The following ARHGEF4 variants were observed in gnomAD, a reference collection of about 807,000 sequenced individuals.
ARHGEF4 encodes the protein Rho guanine nucleotide exchange factor 4.
In ARHGEF4, 119 loss-of-function variants were observed where a neutral mutation model predicts 162.0. The observed-to-expected ratio is 0.73, with a 90% CI of 0.63 to 0.86. ARHGEF4 has a LOEUF of 0.86. Among genes scored for constraint, ARHGEF4 ranks in the 40% least tolerant of loss-of-function variants. The pLI is 0.00. For missense variants in ARHGEF4, 2,488 were observed against 2,456.0 expected (o/e 1.01, Z -0.28); for synonymous variants, 1,014 against 979.9 (o/e 1.03, Z -0.65).
At chr2:130,994,629 G>A (rs529179279) in intron 4 of ARHGEF4, among the ~76,000 whole-genome samples, 4 of 152,062 alleles carry the variant, frequency 2.6e-5, no homozygotes, top group African/African-American at 4.8e-5. Flanking sequence ...CATCTTCATC[G>A]CTCTTCATTG....
rs1304191139 is a variant in ARHGEF4 at position 130,916,299 on chromosome 2, G to C, written c.2353G>C (p.Ala785Pro). The C allele has an allele frequency of 2.6e-6, 4 of 1,540,574 alleles. No individual in the cohort carries two copies. Among genetic ancestry groups the C allele is most frequent in the Non-Finnish European group, 3.5e-6 (4 of 1,144,120 alleles). Residue 785 changes from alanine (A) to proline (P), a missense_variant, in exon 2 of 14, where the codon GCG (alanine) becomes CCG (proline). Around this residue, in one of 6 missense-constraint regions of ARHGEF4, gnomAD observed 1,642 missense variants for 1,481.5 expected, o/e 1.11. Transcript: ENST00000409359. ...PQPPRGLRKG[A>P]QEPGKRPTFS... ...GCCGCCACGCGGGCTCCGCAAGGGC[G>C]CGCAGGAGCCTGGGAAGCGCCCGAC...
intron 4 of ARHGEF4, among the ~76,000 whole-genome samples, chr2:130,965,055 G>T (rs1219752010): frequency 6.6e-6 from 1 of 152,206 alleles, no homozygotes; most frequent in Non-Finnish European, 1.5e-5. Flanking sequence ...GTTTGTCAAG[G>T]GCAACAGTTG....
chr2:130,847,778 G>A (rs1574089081), intron 1 of ARHGEF4, among the ~76,000 whole-genome samples: 2 of 152,350 alleles, frequency 1.3e-5, no homozygotes, highest in South Asian at 4.1e-4. Context: ...GCTTAGAGAA[G>A]GTGAGGCCTC....
chr2:130,947,418 C>T (rs1260030485), intron 4 of ARHGEF4, among the ~76,000 whole-genome samples: 1 of 151,812 alleles, frequency 6.6e-6, no homozygotes, highest in Non-Finnish European at 1.5e-5. Context: ...AAAGGAATTC[C>T]TAGAGTCCCC....
chr2:130,920,594 C>T (rs1681814808), intron 2 of ARHGEF4, among the ~76,000 whole-genome samples: 1 of 152,154 alleles, frequency 6.6e-6, no homozygotes, highest in Non-Finnish European at 1.5e-5. Flanking sequence ...ATGTGAAACT[C>T]CCCTTGGAGA....
intron 4 of ARHGEF4, among the ~76,000 whole-genome samples, chr2:130,993,970 G>A (rs1203425023): frequency 1.3e-5 from 2 of 152,102 alleles, no homozygotes; most frequent in African/African-American, 4.8e-5. Context: ...AGTAGAGATG[G>A]GGTTTCACCA....
intron 1 of ARHGEF4, among the ~76,000 whole-genome samples, chr2:130,894,161 C>T (rs1186125250): frequency 6.6e-6 from 1 of 152,212 alleles, no homozygotes; most frequent in East Asian, 1.9e-4. Flanking sequence ...GACATGATTG[C>T]TTTCTGTAGA....
At chr2:130,954,761 T>C (rs1392060493) in intron 4 of ARHGEF4, among the ~76,000 whole-genome samples, 3 of 152,214 alleles carry the variant, frequency 2.0e-5, no homozygotes, top group African/African-American at 4.8e-5. Context: ...TGTCTGTCTG[T>C]GGATCTCTGG....
chr2:130,995,232 C>CT (rs1243911767), intron 4 of ARHGEF4, among the ~76,000 whole-genome samples: 3 of 152,024 alleles, frequency 2.0e-5, no homozygotes, highest in Non-Finnish European at 4.4e-5. Flanking sequence ...CCTTTTGTCT[C>CT]TGTCTGTTTT....
rs140494318 is a variant in ARHGEF4 at position 130,897,527 on chromosome 2, G to C, written c.40-16459G>C. Reference sequence around the variant, plus strand: ...GACACCAGGGCCAACCTGGAGCAGCGTGAGGGCCACAAGCCCTGAGGCAGA... The same window carrying C: ...GACACCAGGGCCAACCTGGAGCAGCCTGAGGGCCACAAGCCCTGAGGCAGA... On this transcript the variant is annotated intron_variant, in intron 1 of 13. Coordinates refer to ENST00000409359, the MANE Select transcript of ARHGEF4 (RefSeq NM_001367493.1). 1.8e-3 allele frequency among the ~76,000 whole-genome samples: 273 copies of C among 152,352 alleles called. 1 individual carries two copies. The highest frequency in any genetic ancestry group is 3.0e-3 in the Non-Finnish European group (205 of 68,030).
intron 1 of ARHGEF4, among the ~76,000 whole-genome samples, chr2:130,856,444 A>T (rs1681792776): frequency 6.6e-6 from 1 of 152,246 alleles, no homozygotes; most frequent in Admixed American, 6.5e-5. Flanking sequence ...AAAAATGGAA[A>T]TAATTTGTTG....
At chr2:130,897,155 A>C (rs1680205540) in intron 1 of ARHGEF4, among the ~76,000 whole-genome samples, 1 of 152,122 alleles carries the variant, frequency 6.6e-6, no homozygotes, top group African/African-American at 2.4e-5. Flanking sequence ...CTGTCAGTGG[A>C]TGTGGCTTTG....
At position 130,915,793 on chromosome 2, in the gene ARHGEF4, T is replaced by C; in HGVS notation, c.1847T>C (p.Leu616Pro). Reference protein sequence around the residue: ...QGPGGAGGRQLEPKAGGEASR... With the variant: ...QGPGGAGGRQPEPKAGGEASR... Reference sequence around the variant, plus strand: ...CCTGGGGGTGCCGGGGGCCGGCAGCTGGAGCCCAAAGCAGGCGGCGAGGCC... The same window carrying C: ...CCTGGGGGTGCCGGGGGCCGGCAGCCGGAGCCCAAAGCAGGCGGCGAGGCC... The change falls in exon 2 of 14, where the codon CTG becomes CCG. Residue 616 changes from leucine (L) to proline (P), a missense_variant. Coordinates refer to ENST00000409359, the MANE Select transcript of ARHGEF4 (RefSeq NM_001367493.1). 9.8e-6 allele frequency: 15 copies of C among 1,525,132 alleles called. No homozygotes were observed. The highest frequency in any genetic ancestry group is 1.4e-5 in the African/African-American group (1 of 72,082). The allele number at this position is 1,525,132 out of a possible 1,614,324, so 94.5% of individuals were successfully genotyped here.
intron 4 of ARHGEF4, among the ~76,000 whole-genome samples, chr2:130,986,737 C>G (rs1017112037): frequency 6.6e-6 from 1 of 152,166 alleles, no homozygotes; most frequent in Non-Finnish European, 1.5e-5. Flanking sequence ...AGATGTGAGA[C>G]AACAGAAATA....
intron 4 of ARHGEF4, among the ~76,000 whole-genome samples, chr2:131,002,653 T>C (rs1416528001): frequency 7.5e-6 from 1 of 133,994 alleles, no homozygotes; most frequent in African/African-American, 2.8e-5. Flanking sequence ...GAGCTTGCAG[T>C]GAGCCGAGAT....
chr2:130,954,760 G>A (rs1574292980), intron 4 of ARHGEF4, among the ~76,000 whole-genome samples: 1 of 152,248 alleles, frequency 6.6e-6, no homozygotes, highest in South Asian at 2.1e-4. Flanking sequence ...GTGTCTGTCT[G>A]TGGATCTCTG....
chr2:130,873,035 G>T (rs1189497440), intron 1 of ARHGEF4, among the ~76,000 whole-genome samples: 1 of 152,242 alleles, frequency 6.6e-6, no homozygotes, highest in Non-Finnish European at 1.5e-5. Context: ...CCAAGGCAGG[G>T]CTGTGGGCAC....
intron 4 of ARHGEF4, among the ~76,000 whole-genome samples, chr2:130,959,104 G>A (rs556408815): frequency 6.6e-6 from 1 of 151,966 alleles, no homozygotes; most frequent in African/African-American, 2.4e-5. Context: ...ACCACACCAG[G>A]CTAATTTTTG....
chr2:131,023,292 G>C (rs1689263665), intron 4 of ARHGEF4, among the ~76,000 whole-genome samples: 1 of 151,924 alleles, frequency 6.6e-6, no homozygotes. Context: ...AATTAGGCAA[G>C]TGTGGTGGTG....
Sources: allele counts gnomAD v4.1 joint callset (sites outside exome capture counted in the v4.1 genomes callset), GRCh38; gene constraint gnomAD v4.1.1; regional missense constraint gnomAD v4.1.1; transcripts MANE v1.5; gene names NCBI Gene and HGNC (gene_info 2026-07-23, HGNC 2026-07-21).